The following MSRA variants were observed in gnomAD, a reference collection of about 807,000 sequenced individuals.
MSRA encodes mitochondrial peptide methionine sulfoxide reductase.
A neutral mutation model predicts 31.3 loss-of-function variants in MSRA; 54 were observed. The ratio of observed to expected loss-of-function variants is 1.73; its 90% CI spans 1.39 to 2.17. The LOEUF is 2.17. MSRA is among the 30% of genes most tolerant of loss of function. MSRA has a pLI of 0.00. For missense variants in MSRA, 507 were observed against 300.9 expected (o/e 1.69, Z -5.07); for synonymous variants, 169 against 116.5 (o/e 1.45, Z -2.90).
At chr8:10,264,261 C>T (rs2952188) in intron 3 of MSRA, among the ~76,000 whole-genome samples, 1 of 152,168 alleles carries the variant, frequency 6.6e-6, no homozygotes, top group African/African-American at 2.4e-5. Flanking sequence ...TTTCCAGTAG[C>T]TTATGAGAAC....
chr8:10,260,547 T>C (rs1054570540), intron 3 of MSRA, among the ~76,000 whole-genome samples: 18 of 152,096 alleles, frequency 1.2e-4, no homozygotes, highest in Non-Finnish European at 2.4e-4. Context: ...GATGGACAAG[T>C]CATTGCATAA....
intron 2 of MSRA, among the ~76,000 whole-genome samples, chr8:10,209,433 C>T (rs115703759): frequency 6.6e-6 from 1 of 152,324 alleles, no homozygotes; most frequent in East Asian, 1.9e-4. Context: ...TCTTGAAGGG[C>T]AGATTCAGTA....
intron 3 of MSRA, among the ~76,000 whole-genome samples, chr8:10,277,808 T>A (rs531818267): frequency 6.7e-6 from 1 of 150,368 alleles, no homozygotes; most frequent in Admixed American, 6.7e-5. Context: ...CATATGCTCA[T>A]TAGCTTGATT....
At chr8:10,063,939 C>T (rs762080935) in intron 1 of MSRA, among the ~76,000 whole-genome samples, 1 of 152,230 alleles carries the variant, frequency 6.6e-6, no homozygotes, top group East Asian at 1.9e-4. Context: ...GCTTCTTCCA[C>T]TTCTCTGCCG....
At chr8:10,205,021 G>A (rs1450407556) in intron 1 of MSRA, among the ~76,000 whole-genome samples, 1 of 152,184 alleles carries the variant, frequency 6.6e-6, no homozygotes, top group Non-Finnish European at 1.5e-5. Context: ...TGGCTGTGGT[G>A]GATGGATGAG....
At chr8:10,299,488 A>G (rs949328222) in intron 3 of MSRA, among the ~76,000 whole-genome samples, 1 of 152,158 alleles carries the variant, frequency 6.6e-6, no homozygotes, top group Non-Finnish European at 1.5e-5. Context: ...TTTAGCATAA[A>G]ATCTGTTTAG....
intron 5 of MSRA, among the ~76,000 whole-genome samples, chr8:10,421,650 G>T (rs77939792): frequency 6.6e-6 from 1 of 152,078 alleles, no homozygotes; most frequent in Non-Finnish European, 1.5e-5. Context: ...TTTACTGGCC[G>T]CCCTAGAAGG....
intron 2 of MSRA, among the ~76,000 whole-genome samples, chr8:10,225,128 C>G (rs948110676): frequency 2.6e-5 from 4 of 152,188 alleles, no homozygotes; most frequent in Admixed American, 2.6e-4. Context: ...CGGAGTGAGA[C>G]TCCATCTCAA....
intron 4 of MSRA, among the ~76,000 whole-genome samples, chr8:10,315,210 T>C (rs1801644737): frequency 6.6e-6 from 1 of 152,234 alleles, no homozygotes; most frequent in South Asian, 2.1e-4. Context: ...TGGGGATTAT[T>C]GGAGCTACAG....
intron 1 of MSRA, among the ~76,000 whole-genome samples, chr8:10,130,190 A>C (rs1332623815): frequency 6.6e-6 from 1 of 152,208 alleles, no homozygotes; most frequent in Non-Finnish European, 1.5e-5. Context: ...TTCTGCCCCA[A>C]ATGCCAGTAG....
In MSRA at chr8:10,199,053, T is replaced by C. The variant is rs560601618; in HGVS notation, c.143-8780T>C. Among the ~76,000 whole-genome samples the C allele has an allele frequency of 1.4e-4, 21 of 152,350 alleles. No homozygotes were observed. In the East Asian group the frequency reaches 1.7e-3, roughly 13 times the overall value. On this transcript the variant is annotated intron_variant, in intron 1 of 5. Coordinates refer to ENST00000317173, the MANE Select transcript of MSRA (RefSeq NM_012331.5). ...TTGTGTATTTATATAATTAACAATT[T>C]ATCTGCATAATATCAGTTCCCATCA...
At chr8:10,225,869 G>T (rs1157783161) in intron 2 of MSRA, among the ~76,000 whole-genome samples, 1 of 152,200 alleles carries the variant, frequency 6.6e-6, no homozygotes, top group Non-Finnish European at 1.5e-5. Context: ...AGATTTCCAA[G>T]GGAGGAAAAT....
intron 3 of MSRA, among the ~76,000 whole-genome samples, chr8:10,269,914 G>A (rs576648458): frequency 6.6e-6 from 1 of 152,266 alleles, no homozygotes; most frequent in Non-Finnish European, 1.5e-5. Context: ...GCCTCCCAAA[G>A]TGCTGGGATT....
intron 5 of MSRA, among the ~76,000 whole-genome samples, chr8:10,364,218 T>G (rs1211912218): frequency 6.6e-6 from 1 of 152,202 alleles, no homozygotes; most frequent in Non-Finnish European, 1.5e-5. Context: ...CCTGCCCGTA[T>G]GAGTTATTCA....
intron 3 of MSRA, among the ~76,000 whole-genome samples, chr8:10,260,748 T>C (rs60104633): frequency 0.036 from 5,454 of 152,192 alleles, 360 homozygotes; most frequent in African/African-American, 0.12. Flanking sequence ...GAAATTACAT[T>C]GTGTGCGTGT....
intron 3 of MSRA, among the ~76,000 whole-genome samples, chr8:10,260,746 A>C (rs569493980): frequency 8.5e-5 from 13 of 152,194 alleles, no homozygotes; most frequent in African/African-American, 2.9e-4. Flanking sequence ...AGGAAATTAC[A>C]TTGTGTGCGT....
At chr8:10,307,719 G>A (rs1445791459) in intron 4 of MSRA, among the ~76,000 whole-genome samples, 2 of 152,214 alleles carry the variant, frequency 1.3e-5, no homozygotes, top group Non-Finnish European at 2.9e-5. Flanking sequence ...AGCCTTCCCA[G>A]AGGACTGTGG....
intron 2 of MSRA, 30 bp from the exon 3 acceptor site, chr8:10,245,074 A>G (rs1797543649): frequency 1.2e-6 from 2 of 1,606,426 alleles, no homozygotes; most frequent in Non-Finnish European, 1.7e-6. Flanking sequence ...AATAATCAGT[A>G]TCCTTTTTTT....
In MSRA at chr8:10,251,798, A is replaced by T. The variant is rs186894881; in HGVS notation, c.331+6575A>T. 1.2e-3 allele frequency among the ~76,000 whole-genome samples: 179 copies of T among 152,256 alleles called. 1 individual carries two copies. Among genetic ancestry groups the T allele is most frequent in the Admixed American group, 8.2e-3 (126 of 15,296 alleles). On this transcript the variant is annotated intron_variant, in intron 3 of 5. Coordinates refer to ENST00000317173, the MANE Select transcript of MSRA (RefSeq NM_012331.5). ...GCTGGTTTTGTTTATTGTAAACCTCAATCACCAGAAATAGCAAGCTTGGCT... is the reference window on the plus strand; with the variant it reads ...GCTGGTTTTGTTTATTGTAAACCTCTATCACCAGAAATAGCAAGCTTGGCT...
Sources: gnomAD v4.1 joint callset for allele counts (sites outside exome capture counted in the v4.1 genomes callset) on GRCh38, gnomAD v4.1.1 for gene constraint, MANE v1.5 for transcripts, NCBI Gene and HGNC (gene_info 2026-07-23, HGNC 2026-07-21) for gene names.